NAA35: variants seen among roughly 807,000 people sequenced by gnomAD.
NAA35 encodes N-alpha-acetyltransferase 35, NatC auxiliary subunit, also known as MAK10 homolog, amino-acid N-acetyltransferase subunit.
A neutral mutation model predicts 101.7 loss-of-function variants in NAA35; 18 were observed. That is an observed-to-expected ratio of 0.18 (90% CI 0.12 to 0.26). NAA35 has a LOEUF of 0.26. NAA35 is among the 10% of genes least tolerant of loss of function. The probability of loss-of-function intolerance (pLI) is 1.00; values close to 1 mark genes in which losing one functional copy is unlikely to be tolerated. For synonymous variants in NAA35, 267 were observed against 273.1 expected, an observed-to-expected ratio of 0.98 and a Z score of 0.22; for missense variants, 601 against 886.8, an observed-to-expected ratio of 0.68 and a Z score of 4.09.
chr9:85,978,145 A>G lies in NAA35; in HGVS notation c.763-122A>G, dbSNP rs1830292198. 1.2e-5 allele frequency: 8 copies of G among 659,118 alleles called. No homozygotes were observed. In the South Asian group the frequency reaches 1.3e-4, roughly 11 times the overall value. The allele number at this position is 659,118 out of a possible 1,614,324, so 40.8% of individuals were successfully genotyped here. ...ACATCCTGTATTAAGTGCATAGTTT[A>G]TGAAAACCAATGTCATTACAGCAAG... On this transcript the variant is annotated intron_variant, in intron 10 of 22. Transcript: ENST00000361671.
chr9:85,976,485 T>C (rs1488212781), intron 8 of NAA35, among the ~76,000 whole-genome samples, 200 bp from the exon 9 acceptor site: 1 of 152,188 alleles, frequency 6.6e-6, no homozygotes, highest in Non-Finnish European at 1.5e-5. Flanking sequence ...CCATGATCTT[T>C]ATAATTTATG....
At chr9:86,006,836 A>G (rs1831666338) in intron 13 of NAA35, among the ~76,000 whole-genome samples, 1 of 152,254 alleles carries the variant, frequency 6.6e-6, no homozygotes, top group Non-Finnish European at 1.5e-5. Context: ...TTAGGAAATC[A>G]AGGTATGGTA....
chr9:86,000,019 CATAA>C (rs999290669), intron 12 of NAA35, among the ~76,000 whole-genome samples: 2 of 151,978 alleles, frequency 1.3e-5, no homozygotes, highest in Non-Finnish European at 2.9e-5. Context: ...AGGTTTCTTA[CATAA>C]ATAAACACTT....
chr9:85,978,966 T>G (rs1319846610), intron 11 of NAA35, among the ~76,000 whole-genome samples: 1 of 152,200 alleles, frequency 6.6e-6, no homozygotes, highest in Non-Finnish European at 1.5e-5. Context: ...ATGTCAGGTT[T>G]CTCTCATAAT....
rs560382409 is a variant in NAA35 at position 85,980,711 on chromosome 9, T to C, written c.877+2330T>C. Reference sequence around the variant, plus strand: ...GCACTCAGATTTTATTTATGAAATATGCCTTAAAAAGAATAGTGTACCTCT... The same window carrying C: ...GCACTCAGATTTTATTTATGAAATACGCCTTAAAAAGAATAGTGTACCTCT... On this transcript the variant is annotated intron_variant, in intron 11 of 22. Coordinates refer to ENST00000361671, the MANE Select transcript of NAA35 (RefSeq NM_024635.4). Among the ~76,000 whole-genome samples, 10 of 152,328 alleles carry C rather than the reference T, an allele frequency of 6.6e-5. No homozygotes were observed. The East Asian group carries it at 1.9e-3, about 29-fold the overall frequency.
chr9:85,959,746 G>A, intron 4 of NAA35, 47 bp from the exon 5 acceptor site: 1 of 1,398,614 alleles, frequency 7.1e-7, no homozygotes, highest in Non-Finnish European at 1.0e-6. Context: ...GTAACCATAA[G>A]TTTAAAAAAA....
In NAA35 at chr9:85,999,433, A is replaced by G. The variant is rs147908007; in HGVS notation, c.1056+2856A>G. 5.2e-3 allele frequency among the ~76,000 whole-genome samples: 785 copies of G among 152,344 alleles called. 3 individuals are homozygous for G. Among genetic ancestry groups the G allele is most frequent in the Non-Finnish European group, 7.2e-3 (489 of 68,034 alleles). On this transcript the variant is annotated intron_variant, in intron 12 of 22. Transcript: ENST00000361671. ...TGCTTTTAATGTATATAGTTGTTTT[A>G]CCAGTTGTATTGGTAAGCAAATGGA...
At chr9:85,957,094 C>T (rs777040377) in intron 3 of NAA35, among the ~76,000 whole-genome samples, 2 of 152,162 alleles carry the variant, frequency 1.3e-5, no homozygotes, top group Non-Finnish European at 2.9e-5. Context: ...CAAGAATCCA[C>T]GTATAACCTT....
intron 6 of NAA35, among the ~76,000 whole-genome samples, chr9:85,970,307 T>C (rs1829950361): frequency 6.6e-6 from 1 of 152,158 alleles, no homozygotes; most frequent in South Asian, 2.1e-4. Context: ...GTGTGAAGAG[T>C]ACAGTTTTTG....
chr9:86,014,622 A>C (rs1832111858), intron 17 of NAA35, among the ~76,000 whole-genome samples: 1 of 152,148 alleles, frequency 6.6e-6, no homozygotes, highest in East Asian at 1.9e-4. Context: ...CAACTTTTAA[A>C]CTTGTTTAAA....
chr9:85,979,049 G>A (rs545750745), intron 11 of NAA35, among the ~76,000 whole-genome samples: 1 of 152,242 alleles, frequency 6.6e-6, no homozygotes, highest in African/African-American at 2.4e-5. Flanking sequence ...CTGAGAGATT[G>A]TCACTTCGAT....
At chr9:85,998,014 A>G (rs970719612) in intron 12 of NAA35, among the ~76,000 whole-genome samples, 182 of 152,032 alleles carry the variant, frequency 1.2e-3, no homozygotes, top group Non-Finnish European at 2.2e-3. Flanking sequence ...TCCCAGGTTC[A>G]CGCCATTCTC....
chr9:85,962,015 A>G lies in NAA35; in HGVS notation c.351A>G (p.Ile117Met). 1 of 1,602,284 alleles carries G rather than the reference A, an allele frequency of 6.2e-7. No individual in the cohort carries two copies. The highest frequency in any genetic ancestry group is 8.5e-7 in the Non-Finnish European group (1 of 1,176,508). The change falls in exon 6 of 23, where the codon ATA becomes ATG. Residue 117 changes from isoleucine to methionine, a missense_variant and splice_region_variant. By Grantham distance (10) the Ile-to-Met change is conservative. Around this residue, in one of 8 missense-constraint regions of NAA35, gnomAD observed 86 missense variants for 169.4 expected, o/e 0.51. Transcript: ENST00000361671. ...GIMDTCFCCLITWLEGHSLAQ... is the reference protein window; with the variant it reads ...GIMDTCFCCLMTWLEGHSLAQ... The stretch of plus-strand genomic sequence containing the variant: ...TATACTCTTTTGTTTCTTTATAGAT[A>G]ACGTGGTTAGAAGGCCATTCACTGG...
At position 85,943,225 on chromosome 9, in the gene NAA35, A is replaced by T. The variant is rs146342619; in HGVS notation, c.124+942A>T. 7.2e-4 allele frequency among the ~76,000 whole-genome samples: 109 copies of T among 152,286 alleles called. 1 individual carries two copies. Among genetic ancestry groups the T allele is most frequent in the Admixed American group, 6.5e-4 (10 of 15,292 alleles). The stretch of plus-strand genomic sequence containing the variant: ...GATAAGAGAAAGGAACAAATTAACT[A>T]GAGTGAGAGCTTGAACGTTAAAGAG... On this transcript the variant is annotated intron_variant, in intron 2 of 22. Coordinates refer to ENST00000361671, the MANE Select transcript of NAA35 (RefSeq NM_024635.4).
intron 11 of NAA35, among the ~76,000 whole-genome samples, chr9:85,990,166 A>G (rs958778575): frequency 9.2e-5 from 14 of 152,262 alleles, no homozygotes; most frequent in Admixed American, 2.6e-4. Flanking sequence ...ACATGTGGAA[A>G]GAGGGACCAA....
chr9:85,941,920 A>G (rs1828536711), intron 1 of NAA35: 6 of 1,224,214 alleles, frequency 4.9e-6, no homozygotes, highest in Non-Finnish European at 6.1e-6. Context: ...GGAAGGCAAA[A>G]TGTTTATGGG....
chr9:86,004,931 G>C (rs1004889088), intron 13 of NAA35, among the ~76,000 whole-genome samples: 2 of 152,148 alleles, frequency 1.3e-5, no homozygotes, highest in Non-Finnish European at 2.9e-5. Flanking sequence ...GCAAACTGCA[G>C]GCCAGCTCTA....
chr9:85,959,797 G>A lies in NAA35; in HGVS notation c.278G>A (p.Gly93Asp), dbSNP rs781017755. 62 of 1,605,992 alleles carry A rather than the reference G, an allele frequency of 3.9e-5. No homozygotes were observed. The Middle Eastern group carries it at 5.0e-4, about 13-fold the overall frequency. Residue 93 changes from glycine to aspartate, a missense_variant, in exon 5 of 23, where the codon GGC becomes GAC. Transcript: ENST00000361671. ...VLNFEQAIKD[G>D]TIKIKDLTLP... ...CACATTCTTCCTCCTTTTTAGGATG[G>A]CACTATTAAAATTAAAGATCTCACC...
chr9:86,023,582 C>CA lies in NAA35; in HGVS notation c.*1629dup, dbSNP rs1325077009. 1.3e-5 allele frequency among the ~76,000 whole-genome samples: 2 copies of CA among 151,962 alleles called. No individual in the cohort carries two copies. The highest frequency in any genetic ancestry group is 1.9e-4 in the East Asian group (1 of 5,178). ...ATAAAAAATATGTCCCCCTTAAAAG[C>CA]AAAAAAAGGAATGTAGATTAATGCA... On this transcript the variant is annotated 3_prime_UTR_variant, in exon 23 of 23. Transcript: ENST00000361671.
Sources: allele counts gnomAD v4.1 joint callset (sites outside exome capture counted in the v4.1 genomes callset), GRCh38; gene constraint gnomAD v4.1.1; regional missense constraint gnomAD v4.1.1; transcripts MANE v1.5; gene names NCBI Gene and HGNC (gene_info 2026-07-23, HGNC 2026-07-21).